SAMSN1: variants seen among roughly 807,000 people sequenced by gnomAD.
The protein encoded by SAMSN1 is SAM domain, SH3 domain and nuclear localization signals 1.
SAMSN1 carries 31 observed loss-of-function variants against 42.0 expected under a neutral mutation model. The ratio of observed to expected loss-of-function variants is 0.74; its 90% CI spans 0.55 to 1.00. SAMSN1 has a LOEUF of 1.00. SAMSN1 is among the 50% of genes least tolerant of loss of function. The probability of loss-of-function intolerance (pLI) is 0.00; values close to 1 mark genes in which losing one functional copy is unlikely to be tolerated. For missense variants in SAMSN1, 464 were observed against 439.4 expected (o/e 1.06, Z -0.50); for synonymous variants, 178 against 151.9 (o/e 1.17, Z -1.26).
chr21:14,509,619 C>T (rs1987586257), intron 5 of SAMSN1, among the ~76,000 whole-genome samples: 1 of 152,242 alleles, frequency 6.6e-6, no homozygotes, highest in Non-Finnish European at 1.5e-5. Flanking sequence ...CAGCTCTCGC[C>T]TGACATTTGC....
chr21:14,628,989 T>A (rs462418), intron 2 of SAMSN1, among the ~76,000 whole-genome samples: 25,882 of 152,094 alleles, frequency 0.17, 2,837 homozygotes, highest in African/African-American at 0.32. Flanking sequence ...CTCACACAAC[T>A]AGTAAGTGAT....
At chr21:14,626,501 T>C (rs1464206406) in intron 2 of SAMSN1, among the ~76,000 whole-genome samples, 2 of 152,194 alleles carry the variant, frequency 1.3e-5, no homozygotes, top group Non-Finnish European at 2.9e-5. Flanking sequence ...AAAGAAGACA[T>C]TTATGCAGCC....
chr21:14,654,272 C>T (rs1983879679), intron 1 of SAMSN1, among the ~76,000 whole-genome samples: 1 of 151,868 alleles, frequency 6.6e-6, no homozygotes, highest in South Asian at 2.1e-4. Flanking sequence ...GAACATTTGG[C>T]CAATATGATT....
chr21:14,516,860 A>G, intron 3 of SAMSN1, 32 bp downstream of exon 3: 1 of 1,564,482 alleles, frequency 6.4e-7, no homozygotes, highest in Non-Finnish European at 8.7e-7. Flanking sequence ...GTTTTAGTAG[A>G]AAAATACAAA....
chr21:14,653,888 A>T (rs184951461), intron 1 of SAMSN1, among the ~76,000 whole-genome samples: 28 of 152,110 alleles, frequency 1.8e-4, no homozygotes, highest in African/African-American at 6.7e-4. Flanking sequence ...CTATGAGGAT[A>T]AAATAAATTC....
intron 2 of SAMSN1, among the ~76,000 whole-genome samples, chr21:14,577,686 G>A (rs182507126): frequency 2.0e-5 from 3 of 152,046 alleles, no homozygotes; most frequent in Admixed American, 6.5e-5. Context: ...GAAACACTTG[G>A]CTTCAAAGAT....
chr21:14,627,161 A>G (rs187846385), intron 2 of SAMSN1, among the ~76,000 whole-genome samples: 1 of 152,292 alleles, frequency 6.6e-6, no homozygotes, highest in East Asian at 1.9e-4. Context: ...TAGCATTAGG[A>G]GATATACCTA....
chr21:14,585,883 A>G (rs1276363288), upstream of SAMSN1, among the ~76,000 whole-genome samples: 1 of 152,206 alleles, frequency 6.6e-6, no homozygotes, highest in Non-Finnish European at 1.5e-5. Context: ...AATAGGTACT[A>G]TATATCCAAG....
intron 2 of SAMSN1, among the ~76,000 whole-genome samples, chr21:14,557,997 G>A (rs938298346): frequency 1.3e-5 from 2 of 152,184 alleles, no homozygotes; most frequent in African/African-American, 2.4e-5. Context: ...GATGGCATGA[G>A]CCTTCATGTC....
At chr21:14,602,617 C>G (rs1325564979) in intron 5 of SAMSN1, among the ~76,000 whole-genome samples, 1 of 152,200 alleles carries the variant, frequency 6.6e-6, no homozygotes, top group Non-Finnish European at 1.5e-5. Flanking sequence ...TTTTCAAATG[C>G]AGCAGCACTT....
At chr21:14,524,306 A>G (rs918622837) in intron 1 of SAMSN1, among the ~76,000 whole-genome samples, 1 of 152,174 alleles carries the variant, frequency 6.6e-6, no homozygotes, top group African/African-American at 2.4e-5. Context: ...ATTGTAATGT[A>G]TTAGACTTAG....
chr21:14,517,002 T>C lies in SAMSN1; in HGVS notation c.169A>G (p.Ser57Gly). 6.2e-7 allele frequency: 1 copy of C among 1,613,586 alleles called. No homozygotes were observed. The highest frequency in any genetic ancestry group is 1.3e-5 in the African/African-American group (1 of 75,024). ...GDPTNGSGEQ[S>G]KTSNNGGGLG... ...CCGCCTCCATTATTTGAAGTTTTAC[T>C]TTGTTCTCCACTTCCATTTGTGGGA... The change falls in exon 3 of 8, where the codon AGT (serine) becomes GGT (glycine). Residue 57 changes from serine to glycine, a missense_variant. Coordinates refer to ENST00000400566, the MANE Select transcript of SAMSN1 (RefSeq NM_022136.5).
intron 1 of SAMSN1, among the ~76,000 whole-genome samples, chr21:14,537,619 G>A (rs1979714568): frequency 6.6e-6 from 1 of 152,092 alleles, no homozygotes; most frequent in Non-Finnish European, 1.5e-5. Flanking sequence ...AGTGCTGCCA[G>A]GTTGGAAAAC....
At chr21:14,604,738 C>T (rs1025634549) in intron 5 of SAMSN1, among the ~76,000 whole-genome samples, 1 of 152,228 alleles carries the variant, frequency 6.6e-6, no homozygotes, top group Non-Finnish European at 1.5e-5. Flanking sequence ...CATACATGTT[C>T]TGTAGTTGGC....
intron 2 of SAMSN1, among the ~76,000 whole-genome samples, chr21:14,619,983 C>T (rs1040878361): frequency 1.3e-5 from 2 of 150,216 alleles, no homozygotes; most frequent in Non-Finnish European, 2.9e-5. Flanking sequence ...GAGAGTAATT[C>T]AGAGAGTGAT....
intron 2 of SAMSN1, among the ~76,000 whole-genome samples, chr21:14,556,542 G>A (rs1424659557): frequency 6.6e-6 from 1 of 152,106 alleles, no homozygotes; most frequent in Non-Finnish European, 1.5e-5. Flanking sequence ...CCAATTAAAT[G>A]GAATTCCACC....
intron 2 of SAMSN1, among the ~76,000 whole-genome samples, chr21:14,554,614 T>G (rs1324681375): frequency 6.6e-6 from 1 of 152,000 alleles, no homozygotes; most frequent in Non-Finnish European, 1.5e-5. Context: ...GATCATGGTA[T>G]GAAAAAACCC....
intron 2 of SAMSN1, among the ~76,000 whole-genome samples, chr21:14,632,502 T>G (rs1983356852): frequency 6.6e-6 from 1 of 152,204 alleles, no homozygotes; most frequent in Non-Finnish European, 1.5e-5. Context: ...TAATTGCATT[T>G]GCATAATTGT....
chr21:14,492,234 C>A lies in SAMSN1; in HGVS notation c.920-6120G>T, dbSNP rs535052782. 1.4e-4 allele frequency among the ~76,000 whole-genome samples: 22 copies of A among 152,246 alleles called. No individual in the cohort carries two copies. In the South Asian group the frequency reaches 2.5e-3, roughly 17 times the overall value. ...TTTGATTGTGTTTCACGTTATTGCCCTCCAAAAATGTACTTATTTACACTC... is the reference window on the plus strand; with the variant it reads ...TTTGATTGTGTTTCACGTTATTGCCATCCAAAAATGTACTTATTTACACTC... On this transcript the variant is annotated intron_variant, in intron 7 of 7. Coordinates refer to ENST00000400566, the MANE Select transcript of SAMSN1 (RefSeq NM_022136.5).
Sources: allele counts gnomAD v4.1 joint callset (sites outside exome capture counted in the v4.1 genomes callset), GRCh38; gene constraint gnomAD v4.1.1; transcripts MANE v1.5; gene names NCBI Gene and HGNC (gene_info 2026-07-23, HGNC 2026-07-21).